OARD1: variants seen among roughly 807,000 people sequenced by gnomAD.
OARD1 encodes the protein O-acyl-ADP-ribose deacylase 1.
In OARD1, 19 loss-of-function variants were observed where a neutral mutation model predicts 19.7. The observed-to-expected ratio is 0.96, with a 90% CI of 0.67 to 1.41. The LOEUF (loss-of-function observed/expected upper bound fraction) is 1.41. Ranked by LOEUF, OARD1 falls within the 40% of genes most tolerant of loss-of-function variation. The probability of loss-of-function intolerance (pLI) is 0.00; values close to 1 mark genes in which losing one functional copy is unlikely to be tolerated. For missense variants in OARD1, 190 were observed against 183.8 expected (o/e 1.03, Z -0.20); for synonymous variants, 70 against 61.8 (o/e 1.13, Z -0.62).
At chr6:41,097,429 A>T in intron 1 of OARD1, 1 of 1,612,852 alleles carries the variant, frequency 6.2e-7, no homozygotes. Context: ...CATGTGATGG[A>T]GCTGATCAAG....
At chr6:41,078,899 AT>A in intron 1 of OARD1, 1 of 531,494 alleles carries the variant, frequency 1.9e-6, no homozygotes, top group Non-Finnish European at 3.4e-6. Flanking sequence ...GATACTGAAT[AT>A]AAGCATTTCC....
intron 1 of OARD1, among the ~76,000 whole-genome samples, chr6:41,088,755 T>C (rs1253636684): frequency 2.0e-5 from 3 of 151,970 alleles, no homozygotes; most frequent in Non-Finnish European, 4.4e-5. Context: ...TGGATAATTT[T>C]TGTATTTTTC....
upstream of OARD1, among the ~76,000 whole-genome samples, chr6:41,073,771 C>T (rs551527109): frequency 7.9e-5 from 12 of 152,130 alleles, no homozygotes; most frequent in Non-Finnish European, 1.5e-4. Flanking sequence ...CGCCCACTCC[C>T]CCTGCTCCGC....
chr6:41,071,674 A>G lies in OARD1; in HGVS notation c.-40T>C, dbSNP rs1213763701. ...ATTTCCAGAATTTAAGTGTTTCTTCAGCTATGAGAAGGGAAAAGGAAGTAA... is the reference window on the plus strand; with the variant it reads ...ATTTCCAGAATTTAAGTGTTTCTTCGGCTATGAGAAGGGAAAAGGAAGTAA... On this transcript the variant is annotated splice_region_variant and 5_prime_UTR_variant, in exon 2 of 6. Coordinates refer to ENST00000424266, the MANE Select transcript of OARD1 (RefSeq NM_001329686.2). 2 of 1,567,486 alleles carry G rather than the reference A, an allele frequency of 1.3e-6. No individual in the cohort carries two copies. Among genetic ancestry groups the G allele is most frequent in the Admixed American group, 1.7e-5 (1 of 59,976 alleles).
intron 5 of OARD1, among the ~76,000 whole-genome samples, 174 bp downstream of exon 5, chr6:41,068,667 T>C (rs1413707872): frequency 1.3e-5 from 2 of 152,262 alleles, no homozygotes; most frequent in Non-Finnish European, 2.9e-5. Flanking sequence ...AGAAAATGGC[T>C]GTGCCTTAGT....
chr6:41,082,760 T>C (rs534548888), intron 1 of OARD1, among the ~76,000 whole-genome samples: 1 of 152,292 alleles, frequency 6.6e-6, no homozygotes, highest in South Asian at 2.1e-4. Context: ...AAGCATTTGG[T>C]GTAGCAAAGG....
chr6:41,066,135 T>A lies in OARD1; in HGVS notation c.*1200A>T, dbSNP rs535742090. The A allele has an allele frequency of 6.6e-6, 1 of 152,302 alleles. No homozygotes were observed. The highest frequency in any genetic ancestry group is 2.4e-5 in the African/African-American group (1 of 41,540). 9.4% of individuals were successfully genotyped at this position (152,302 alleles called of 1,614,324 possible). A position where few individuals can be genotyped will look rare whatever the true frequency, so the allele number is the denominator to read the frequency against. On this transcript the variant is annotated 3_prime_UTR_variant, in exon 6 of 6. Transcript: ENST00000424266. ...CATCCCACTCCACCACCAAATTTTT[T>A]TTTTTAATTGAGATAGGGTCTTGCT...
chr6:41,077,543 TA>T, upstream of OARD1, among the ~76,000 whole-genome samples: 1 of 75,678 alleles, frequency 1.3e-5, no homozygotes. Flanking sequence ...GCCATAAATG[TA>T]TTGTGTATTA....
Position 41,071,116 on chromosome 6 carries a change from G to C in OARD1, c.184+16C>G, listed in dbSNP as rs759380374. 4 of 1,613,772 alleles carry C rather than the reference G, an allele frequency of 2.5e-6. No individual in the cohort carries two copies. The South Asian group carries it at 4.4e-5, about 18-fold the overall frequency. ...TCTAGCCAGGGCAAACCAGGTAAGT[G>C]GTTTCCAAAACTCACGTTGATTTAA... On this transcript the variant is annotated intron_variant, in intron 3 of 5. Coordinates refer to ENST00000424266, the MANE Select transcript of OARD1 (RefSeq NM_001329686.2).
chr6:41,089,763 A>G, intron 1 of OARD1: 1 of 1,587,106 alleles, frequency 6.3e-7, no homozygotes, highest in Non-Finnish European at 8.6e-7. Context: ...GAAGAGTCAG[A>G]TAACTGAGTC....
chr6:41,089,796 A>G lies in OARD1; in HGVS notation c.-42+7917T>C, dbSNP rs1757711756. ...GTCAGATATTTCATGTATAGCATGTATAGTAGAAAAGGGGATGAAAACCAT... is the reference window on the plus strand; with the variant it reads ...GTCAGATATTTCATGTATAGCATGTGTAGTAGAAAAGGGGATGAAAACCAT... On this transcript the variant is annotated intron_variant, in intron 1 of 4. Coordinates refer to the OARD1 transcript ENST00000480585. The G allele has an allele frequency of 2.6e-6, 4 of 1,518,788 alleles. No individual in the cohort carries two copies. In the Admixed American group the frequency reaches 8.3e-5, roughly 32 times the overall value. The allele number at this position is 1,518,788 out of a possible 1,614,324, so 94.1% of individuals were successfully genotyped here.
Position 41,065,131 on chromosome 6 carries a change from G to A in OARD1, c.*2204C>T, listed in dbSNP as rs1397480459. The stretch of plus-strand genomic sequence containing the variant: ...TGACAAAGTGCTTTATCACATTCCT[G>A]CTAAGTCCCAGAATTCCACTTACAG... On this transcript the variant is annotated 3_prime_UTR_variant, in exon 6 of 6. Coordinates refer to ENST00000424266, the MANE Select transcript of OARD1 (RefSeq NM_001329686.2). The A allele has an allele frequency of 6.6e-6, 1 of 152,144 alleles. No individual in the cohort carries two copies. Among genetic ancestry groups the A allele is most frequent in the Non-Finnish European group, 1.5e-5 (1 of 68,028 alleles). 9.4% of individuals were successfully genotyped at this position (152,144 alleles called of 1,614,324 possible).
At chr6:41,073,659 G>A (rs1454215446), upstream of OARD1, among the ~76,000 whole-genome samples, 1 of 152,018 alleles carries the variant, frequency 6.6e-6, no homozygotes, top group Non-Finnish European at 1.5e-5. Flanking sequence ...CGCGGCCGCG[G>A]GGTCCCGTGT....
Position 41,067,319 on chromosome 6 carries a change from C to T in OARD1, c.*16G>A. On this transcript the variant is annotated 3_prime_UTR_variant, in exon 6 of 6. Transcript: ENST00000424266. ...TGACACAGGAGAACACGGAAACATC[C>T]AAAATGTTCACTGGTTCAGAGTGTG... 3.2e-6 allele frequency: 5 copies of T among 1,552,960 alleles called. No individual in the cohort carries two copies. The highest frequency in any genetic ancestry group is 1.4e-5 in the African/African-American group (1 of 73,766).
At chr6:41,071,314 G>C (rs200027018) in intron 2 of OARD1, 38 bp from the exon 3 acceptor site, 1 of 1,589,884 alleles carries the variant, frequency 6.3e-7, no homozygotes, top group East Asian at 2.2e-5. Flanking sequence ...TGTTTTATTA[G>C]ATACAGTAAA....
At chr6:41,097,256 G>A in intron 1 of OARD1, 1 of 1,065,756 alleles carries the variant, frequency 9.4e-7, no homozygotes, top group East Asian at 2.4e-5. Context: ...GATTTACTTG[G>A]TAAAGTTATG....
rs769282285 is a variant in OARD1, at chr6:41,093,471, C to CT, written c.-42+4241dup. ...AAAGGGAACAAGAAAGGTACCCTTT[C>CT]TTTTTTTTTTTTTTCCTGAGACTCA... On this transcript the variant is annotated intron_variant, in intron 1 of 4. Coordinates refer to the OARD1 transcript ENST00000480585. Among the ~76,000 whole-genome samples the CT allele has an allele frequency of 2.2e-3, 308 of 142,426 alleles. 2 individuals are homozygous for CT. The highest frequency in any genetic ancestry group is 2.8e-3 in the East Asian group (14 of 4,920). The allele number at this position is 142,426 out of a possible 152,430, so 93.4% of individuals were successfully genotyped here. A position where few individuals can be genotyped will look rare whatever the true frequency, so the allele number is the denominator to read the frequency against.
upstream of OARD1, among the ~76,000 whole-genome samples, chr6:41,076,708 G>T (rs913351290): frequency 6.6e-6 from 1 of 152,168 alleles, no homozygotes; most frequent in Non-Finnish European, 1.5e-5. Context: ...TCAAAACTTT[G>T]TGTTAAGAGC....
chr6:41,093,471 CT>C lies in OARD1; in HGVS notation c.-42+4241del, dbSNP rs769282285. On this transcript the variant is annotated intron_variant, in intron 1 of 4. Transcript: ENST00000480585. ...AAAGGGAACAAGAAAGGTACCCTTT[CT>C]TTTTTTTTTTTTTCCTGAGACTCAG... 2.9e-3 allele frequency among the ~76,000 whole-genome samples: 416 copies of C among 142,404 alleles called. 1 individual carries two copies. Among genetic ancestry groups the C allele is most frequent in the East Asian group, 5.1e-3 (25 of 4,914 alleles). The allele number at this position is 142,404 out of a possible 152,430, so 93.4% of individuals were successfully genotyped here.
Sources: gnomAD v4.1 joint callset for allele counts (sites outside exome capture counted in the v4.1 genomes callset) on GRCh38, gnomAD v4.1.1 for gene constraint, MANE v1.5 for transcripts, NCBI Gene and HGNC (gene_info 2026-07-23, HGNC 2026-07-21) for gene names.